Variants in KANK1 observed in about 807,000 individuals in gnomAD.
KANK1 encodes KN motif and ankyrin repeat domains 1, also known as KN motif and ankyrin repeat domain-containing protein 1.
In KANK1, 109 loss-of-function variants were observed where a neutral mutation model predicts 106.2. That is an observed-to-expected ratio of 1.03 (90% CI 0.88 to 1.20). The LOEUF (loss-of-function observed/expected upper bound fraction) is 1.20. KANK1 is among the 50% of genes most tolerant of loss of function. The pLI, the probability that KANK1 is intolerant of heterozygous loss-of-function variation, is 0.00. For synonymous variants in KANK1, 873 were observed against 652.2 expected, an observed-to-expected ratio of 1.34 and a Z score of -5.16; for missense variants, 2,399 against 1,710.7, an observed-to-expected ratio of 1.40 and a Z score of -7.10.
intron 2 of KANK1, among the ~76,000 whole-genome samples, chr9:679,855 G>A (rs1817172871): frequency 1.3e-5 from 2 of 152,050 alleles, no homozygotes; most frequent in Non-Finnish European, 2.9e-5. Flanking sequence ...TTGAGAATAT[G>A]TTAATAAAAA....
intron 1 of KANK1, among the ~76,000 whole-genome samples, chr9:643,714 T>C (rs189594893): frequency 3.3e-5 from 5 of 150,170 alleles, no homozygotes; most frequent in Admixed American, 2.6e-4. Flanking sequence ...TTTTTGGGTT[T>C]TTTTTAGAGA....
At chr9:501,613 TACACAC>T (rs60211646), upstream of KANK1, among the ~76,000 whole-genome samples, 1,392 of 148,542 alleles carry the variant, frequency 9.4e-3, 30 homozygotes, top group African/African-American at 0.03. Context: ...CGCACAGACA[TACACAC>T]ACACACACAC....
intron 7 of KANK1, among the ~76,000 whole-genome samples, chr9:736,667 T>G (rs1340461954): frequency 6.6e-6 from 1 of 150,926 alleles, no homozygotes; most frequent in Non-Finnish European, 1.5e-5. Flanking sequence ...GCCACTGCAC[T>G]CCAGCCTGGG....
intron 1 of KANK1, among the ~76,000 whole-genome samples, chr9:671,561 T>A (rs1250290855): frequency 2.1e-5 from 2 of 95,400 alleles, no homozygotes; most frequent in East Asian, 3.4e-4. Context: ...GCTTGCAGCG[T>A]GCCGAGATGG....
chr9:601,860 G>A (rs946023353), intron 1 of KANK1, among the ~76,000 whole-genome samples: 3 of 151,736 alleles, frequency 2.0e-5, no homozygotes, highest in Non-Finnish European at 4.4e-5. Context: ...TCCCTAAGGA[G>A]CCTGGGTCCT....
intron 3 of KANK1, chr9:478,157 A>G (rs559445847): frequency 8.6e-5 from 16 of 185,274 alleles, no homozygotes; most frequent in Non-Finnish European, 1.5e-4. Context: ...CACAGTGGAA[A>G]TGCCATTTTT....
rs746201501 is a variant in KANK1 at position 744,596 on chromosome 9, G to A, written c.3996+7G>A. On this transcript the variant is annotated splice_region_variant and intron_variant, in intron 11 of 11. Coordinates refer to ENST00000382297, the MANE Select transcript of KANK1 (RefSeq NM_015158.5). ...TGCAAAAGCCCAGTCTCCGGTCAGT[G>A]TTGTGCATTTGGCATTTGTAAATAG... The A allele has an allele frequency of 3.1e-6, 5 of 1,614,148 alleles. No homozygotes were observed. The East Asian group carries it at 6.7e-5, about 22-fold the overall frequency.
intron 1 of KANK1, among the ~76,000 whole-genome samples, chr9:615,928 C>A (rs961764993): frequency 1.3e-5 from 2 of 152,150 alleles, no homozygotes; most frequent in Admixed American, 1.3e-4. Flanking sequence ...GTGGTGCCAG[C>A]TGATAGCATA....
At position 710,999 on chromosome 9, in the gene KANK1, CCACAT is replaced by C; in HGVS notation, c.235_239del (p.Thr79TrpfsTer10). 1 of 1,614,178 alleles carries C rather than the reference CCACAT, an allele frequency of 6.2e-7. No individual in the cohort carries two copies. Among genetic ancestry groups the C allele is most frequent in the Non-Finnish European group, 8.5e-7 (1 of 1,180,036 alleles). ...TCCGTGCCATGCCCAGAACCCAGGA[CCACAT>C]CTGGTCAGCAAGGTATATGGACTTC... On this transcript the variant is annotated frameshift_variant, in exon 3 of 12. Transcript: ENST00000382297. LOFTEE classifies it high-confidence loss of function.
rs1298875369 is a variant in KANK1 at position 529,232 on chromosome 9, T to TAC, written c.-84+24479_-84+24480insCA. On this transcript the variant is annotated intron_variant, in intron 1 of 11. Transcript: ENST00000382297. The stretch of plus-strand genomic sequence containing the variant: ...AGATAACTCTGTTAATATATATATA[T>TAC]ATACACACACACACACACACACATA... Among the ~76,000 whole-genome samples, 611 of 142,366 alleles carry TAC rather than the reference T, an allele frequency of 4.3e-3. 3 individuals are homozygous for TAC. Among genetic ancestry groups the TAC allele is most frequent in the Admixed American group, 0.028 (380 of 13,620 alleles). The allele number at this position is 142,366 out of a possible 152,430, so 93.4% of individuals were successfully genotyped here. A position where few individuals can be genotyped will look rare whatever the true frequency, so the allele number is the denominator to read the frequency against.
At chr9:727,227 T>G (rs548681537) in intron 3 of KANK1, among the ~76,000 whole-genome samples, 66 of 152,332 alleles carry the variant, frequency 4.3e-4, no homozygotes, top group African/African-American at 1.5e-3. Context: ...GATAAAACTT[T>G]TAGACAATTA....
At chr9:604,368 C>T (rs983326981) in intron 1 of KANK1, among the ~76,000 whole-genome samples, 5 of 151,650 alleles carry the variant, frequency 3.3e-5, no homozygotes, top group South Asian at 4.2e-4. Flanking sequence ...GTGATTGGAT[C>T]ATGAGGATGG....
rs774662590 is a variant in KANK1 at position 712,820 on chromosome 9, A to G, written c.2054A>G (p.Asn685Ser). The G allele has an allele frequency of 1.2e-6, 2 of 1,613,782 alleles. No homozygotes were observed. Among genetic ancestry groups the G allele is most frequent in the East Asian group, 2.2e-5 (1 of 44,860 alleles). Reference sequence around the variant, plus strand: ...TTGGAACAGGTGCACCAGTTCACCAACACCGAGACGGCCACCCTCATAGAG... The same window carrying G: ...TTGGAACAGGTGCACCAGTTCACCAGCACCGAGACGGCCACCCTCATAGAG... ...TDLEQVHQFTNTETATLIESC... is the reference protein window; with the variant it reads ...TDLEQVHQFTSTETATLIESC... The change falls in exon 3 of 12, where the codon AAC becomes AGC. Residue 685 changes from asparagine (N) to serine (S), a missense_variant. Asn to Ser is a conservative substitution (Grantham distance 46, BLOSUM62 1). Transcript: ENST00000382297.
exon 3 of KANK1, chr9:473,221 G>A (rs1564106031): frequency 6.6e-6 from 1 of 152,316 alleles, no homozygotes; most frequent in East Asian, 1.9e-4. Flanking sequence ...CCAAGGACAA[G>A]GGATTCGTAC....
intron 1 of KANK1, among the ~76,000 whole-genome samples, chr9:538,399 T>A (rs1169878287): frequency 1.3e-5 from 2 of 152,098 alleles, no homozygotes; most frequent in Non-Finnish European, 2.9e-5. Context: ...TGTTATCAGT[T>A]CTCCAGGAAG....
At chr9:633,694 C>G in intron 1 of KANK1, among the ~76,000 whole-genome samples, 1 of 152,094 alleles carries the variant, frequency 6.6e-6, no homozygotes. Flanking sequence ...GCTTTGTCAC[C>G]CAGGCTAGTG....
At chr9:682,149 G>A (rs974311675) in intron 2 of KANK1, among the ~76,000 whole-genome samples, 1 of 151,830 alleles carries the variant, frequency 6.6e-6, no homozygotes, top group African/African-American at 2.4e-5. Context: ...GTGTGGTGGT[G>A]GGCGCCTGTA....
At chr9:573,560 G>A (rs183785004) in intron 1 of KANK1, among the ~76,000 whole-genome samples, 3 of 152,188 alleles carry the variant, frequency 2.0e-5, no homozygotes, top group African/African-American at 7.2e-5. Flanking sequence ...ATGAGCCACC[G>A]CGCCCGGTCA....
chr9:588,662 G>T (rs926832603), intron 1 of KANK1, among the ~76,000 whole-genome samples: 2 of 152,100 alleles, frequency 1.3e-5, no homozygotes, highest in South Asian at 2.1e-4. Flanking sequence ...CTCTAATGCT[G>T]TAGTAGTCAT....
Sources: allele counts gnomAD v4.1 joint callset (sites outside exome capture counted in the v4.1 genomes callset), GRCh38; gene constraint gnomAD v4.1.1; transcripts MANE v1.5; gene names NCBI Gene and HGNC (gene_info 2026-07-23, HGNC 2026-07-21).